Variants in UBR2 observed in about 807,000 individuals in gnomAD.
UBR2 encodes ubiquitin protein ligase E3 component n-recognin 2.
A neutral mutation model predicts 247.9 loss-of-function variants in UBR2; 92 were observed. That is an observed-to-expected ratio of 0.37 (90% CI 0.31 to 0.44). The LOEUF (loss-of-function observed/expected upper bound fraction) is 0.44. Among genes scored for constraint, UBR2 ranks in the 20% least tolerant of loss-of-function variants. The pLI, the probability that UBR2 is intolerant of heterozygous loss-of-function variation, is 1.00. For missense variants in UBR2, 1,613 were observed against 2,112.6 expected (o/e 0.76, Z 4.64); for synonymous variants, 672 against 693.5 (o/e 0.97, Z 0.49).
intron 38 of UBR2, among the ~76,000 whole-genome samples, chr6:42,675,218 T>G (rs1056124448): frequency 2.0e-5 from 3 of 152,216 alleles, no homozygotes; most frequent in Admixed American, 1.3e-4. Flanking sequence ...TATACTGCCA[T>G]GCAGACAGCA....
intron 1 of UBR2, among the ~76,000 whole-genome samples, chr6:42,567,171 C>A (rs1052458168): frequency 3.9e-5 from 6 of 151,982 alleles, no homozygotes. Flanking sequence ...ATTTCATTTA[C>A]ACACCGCTTT....
At chr6:42,639,390 C>T (rs895944993) in intron 15 of UBR2, among the ~76,000 whole-genome samples, 6 of 152,112 alleles carry the variant, frequency 3.9e-5, no homozygotes, top group African/African-American at 9.7e-5. Flanking sequence ...GTCAGGAGTT[C>T]GAGACCAGCC....
intron 11 of UBR2, among the ~76,000 whole-genome samples, chr6:42,622,405 G>GTTTTTTTTTTTTTTTTTTTTTTTT (rs112798050): frequency 1.4e-5 from 2 of 138,784 alleles, no homozygotes; most frequent in South Asian, 4.5e-4. Flanking sequence ...TTTTTGGTGG[G>GTTTTTTTTTTTTTTTTTTTTTTTT]TTTTTTTTTT....
chr6:42,677,006 A>T, intron 40 of UBR2, 133 bp downstream of exon 40: 1 of 702,394 alleles, frequency 1.4e-6, no homozygotes, highest in Non-Finnish European at 2.4e-6. Context: ...ACGTGGAGTG[A>T]TCTGCAGAGC....
intron 2 of UBR2, among the ~76,000 whole-genome samples, chr6:42,590,238 GA>G (rs1792568694): frequency 6.6e-6 from 1 of 152,202 alleles, no homozygotes; most frequent in African/African-American, 2.4e-5. Flanking sequence ...GATGGCTTTA[GA>G]CAAATCACTA....
chr6:42,670,066 G>A, intron 34 of UBR2, 26 bp from the exon 35 acceptor site: 1 of 1,611,774 alleles, frequency 6.2e-7, no homozygotes, highest in Non-Finnish European at 8.5e-7. Flanking sequence ...ATTGTTCTGA[G>A]CTAATTTTAT....
chr6:42,673,478 C>T (rs549673329), intron 36 of UBR2, among the ~76,000 whole-genome samples: 90 of 152,354 alleles, frequency 5.9e-4, no homozygotes, highest in African/African-American at 1.9e-3. Flanking sequence ...TGAGCCACCA[C>T]ACCCGGCCTG....
At chr6:42,618,945 G>C (rs1229869195) in intron 11 of UBR2, among the ~76,000 whole-genome samples, 1 of 152,192 alleles carries the variant, frequency 6.6e-6, no homozygotes, top group Non-Finnish European at 1.5e-5. Flanking sequence ...CTTGCTGAAT[G>C]ATTAGCATTT....
intron 4 of UBR2, among the ~76,000 whole-genome samples, chr6:42,597,995 T>A (rs1163985202): frequency 6.6e-6 from 1 of 152,196 alleles, no homozygotes; most frequent in East Asian, 1.9e-4. Flanking sequence ...TCCCAGTAAC[T>A]GTTGAACATA....
intron 2 of UBR2, among the ~76,000 whole-genome samples, chr6:42,577,730 T>C (rs1003899034): frequency 1.3e-5 from 2 of 152,170 alleles, no homozygotes; most frequent in Non-Finnish European, 1.5e-5. Context: ...GTTTTTTTAG[T>C]GTAGTTAAAT....
At chr6:42,606,773 A>T (rs572357269) in intron 7 of UBR2, 122 bp downstream of exon 7, 3 of 767,078 alleles carry the variant, frequency 3.9e-6, no homozygotes, top group Non-Finnish European at 6.1e-6. Flanking sequence ...ATGTTTAAAG[A>T]TAATGTTTCT....
intron 34 of UBR2, among the ~76,000 whole-genome samples, chr6:42,668,130 C>T (rs890612025): frequency 6.6e-6 from 1 of 152,146 alleles, no homozygotes; most frequent in African/African-American, 2.4e-5. Flanking sequence ...TTCCCCTACA[C>T]AGCCTCTGTT....
At chr6:42,655,951 C>T (rs184611264) in intron 26 of UBR2, among the ~76,000 whole-genome samples, 6 of 151,844 alleles carry the variant, frequency 4.0e-5, no homozygotes, top group African/African-American at 1.2e-4. Context: ...CTGTGGTTGA[C>T]GTAAGATTCT....
intron 11 of UBR2, among the ~76,000 whole-genome samples, chr6:42,629,301 G>A (rs1230875112): frequency 6.7e-6 from 1 of 150,230 alleles, no homozygotes; most frequent in Non-Finnish European, 1.5e-5. Context: ...ACAGGCGTGA[G>A]CCACTGTGCC....
intron 42 of UBR2, among the ~76,000 whole-genome samples, chr6:42,682,117 A>G (rs1481274221): frequency 6.6e-6 from 1 of 152,188 alleles, no homozygotes; most frequent in South Asian, 2.1e-4. Context: ...TACAACGTGG[A>G]TGAACCTTGA....
chr6:42,685,578 C>T (rs1384750259), intron 44 of UBR2, among the ~76,000 whole-genome samples: 1 of 151,478 alleles, frequency 6.6e-6, no homozygotes, highest in African/African-American at 2.4e-5. Context: ...GATTCTTGTA[C>T]CTCAGCCTCC....
At chr6:42,582,782 G>A (rs1024251635) in intron 2 of UBR2, among the ~76,000 whole-genome samples, 3 of 151,566 alleles carry the variant, frequency 2.0e-5, no homozygotes, top group African/African-American at 7.3e-5. Flanking sequence ...TTAAATATCT[G>A]CCAGCATATA....
chr6:42,618,211 AC>A (rs1476785092), intron 11 of UBR2, among the ~76,000 whole-genome samples: 2 of 152,098 alleles, frequency 1.3e-5, no homozygotes, highest in African/African-American at 4.8e-5. Context: ...ATAACAAGAG[AC>A]CTGTCCTTTT....
intron 8 of UBR2, among the ~76,000 whole-genome samples, chr6:42,614,203 A>C (rs1214250652): frequency 1.8e-5 from 1 of 54,798 alleles, no homozygotes; most frequent in South Asian, 6.3e-4. Context: ...AAAAAAAAAA[A>C]AACTATATAT....
Sources: allele counts gnomAD v4.1 joint callset (sites outside exome capture counted in the v4.1 genomes callset), GRCh38; gene constraint gnomAD v4.1.1; transcripts MANE v1.5; gene names NCBI Gene and HGNC (gene_info 2026-07-23, HGNC 2026-07-21).